The following TEX2 variants were observed in gnomAD, a reference collection of about 807,000 sequenced individuals.
The protein encoded by TEX2 is testis expressed 2, also known as testis-expressed protein 2.
Under a neutral mutation model 106.9 loss-of-function variants are expected in TEX2, and 53 were observed. The ratio of observed to expected loss-of-function variants is 0.50; its 90% CI spans 0.40 to 0.62. The LOEUF (loss-of-function observed/expected upper bound fraction) is 0.62. TEX2 is among the 20% of genes least tolerant of loss of function. The pLI is 0.00. For synonymous variants in TEX2, 523 were observed against 534.8 expected, an observed-to-expected ratio of 0.98 and a Z score of 0.30; for missense variants, 1,207 against 1,379.0, an observed-to-expected ratio of 0.88 and a Z score of 1.98.
At chr17:64,193,463 G>GCTTCCTTCCTTCCTTCCTTC in intron 4 of TEX2, 96 bp downstream of exon 4, 1 of 993,984 alleles carries the variant, frequency 1.0e-6, no homozygotes, top group Non-Finnish European at 1.4e-6. Context: ...TTCAGGGTGG[G>GCTTCCTTCCTTCCTTCCTTC]CTTCCTTCCT....
intron 8 of TEX2, chr17:64,155,587 C>T (rs779377212): frequency 6.6e-6 from 1 of 152,236 alleles, no homozygotes; most frequent in Non-Finnish European, 1.5e-5. Flanking sequence ...CACACACACA[C>T]ACAAAAAGTC....
intron 1 of TEX2, among the ~76,000 whole-genome samples, chr17:64,245,540 G>A (rs1432610962): frequency 6.6e-6 from 1 of 152,134 alleles, no homozygotes; most frequent in Non-Finnish European, 1.5e-5. Flanking sequence ...ATACAAAATC[G>A]AGGATTGAAC....
Position 64,212,564 on chromosome 17 carries a change from A to T in TEX2, c.1644+10T>A. On this transcript the variant is annotated intron_variant, in intron 2 of 11. Coordinates refer to ENST00000584379, the MANE Select transcript of TEX2 (RefSeq NM_001288732.2). ...TGTGTGTACTAGCCAGCTCCCGGGG[A>T]GAGGCTTACCTTCAGTATTTCAGGT... The T allele has an allele frequency of 6.2e-7, 1 of 1,607,486 alleles. No individual in the cohort carries two copies. The highest frequency in any genetic ancestry group is 8.5e-7 in the Non-Finnish European group (1 of 1,175,886).
chr17:64,152,056 C>T (rs1393800076), intron 10 of TEX2, among the ~76,000 whole-genome samples: 1 of 152,172 alleles, frequency 6.6e-6, no homozygotes, highest in East Asian at 1.9e-4. Flanking sequence ...CAAAACCCCT[C>T]TTCTGATCAT....
chr17:64,212,414 ATGAGTTGAC>A (rs1340982209), intron 2 of TEX2, among the ~76,000 whole-genome samples, 151 bp downstream of exon 2: 2 of 152,204 alleles, frequency 1.3e-5, no homozygotes, highest in African/African-American at 4.8e-5. Flanking sequence ...GGTTTACCAG[ATGAGTTGAC>A]TGGGTGCCTG....
Position 64,241,153 on chromosome 17 carries a change from A to G in TEX2, c.-26+22015T>C, listed in dbSNP as rs535978065. 1.1e-4 allele frequency among the ~76,000 whole-genome samples: 17 copies of G among 152,300 alleles called. No individual in the cohort carries two copies. In the East Asian group the frequency reaches 2.9e-3, roughly 26 times the overall value. ...CAGGGAAAGCATTTGGGGTTGTCAGAGCTCATGGAGTGACTGCTGAGGGGT... is the reference window on the plus strand; with the variant it reads ...CAGGGAAAGCATTTGGGGTTGTCAGGGCTCATGGAGTGACTGCTGAGGGGT... On this transcript the variant is annotated intron_variant, in intron 1 of 11. Coordinates refer to ENST00000584379, the MANE Select transcript of TEX2 (RefSeq NM_001288732.2).
At position 64,262,558 on chromosome 17, in the gene TEX2, C is replaced by A. The variant is rs1415362095; in HGVS notation, c.-26+610G>T. 2.6e-5 allele frequency among the ~76,000 whole-genome samples: 4 copies of A among 152,302 alleles called. No individual in the cohort carries two copies. The South Asian group carries it at 6.2e-4, about 24-fold the overall frequency. ...GCAGCGACGGCGTCCACGGCCACAC[C>A]GCCTCCCCGCAAGGCACCTGGCGCT... On this transcript the variant is annotated intron_variant, in intron 1 of 11. Transcript: ENST00000584379.
chr17:64,202,949 G>A (rs1486912156), intron 2 of TEX2, among the ~76,000 whole-genome samples: 1 of 152,126 alleles, frequency 6.6e-6, no homozygotes, highest in East Asian at 1.9e-4. Flanking sequence ...AAAGGTCAGG[G>A]GTTTCTCTCA....
At chr17:64,168,953 G>C (rs552488181) in intron 7 of TEX2, among the ~76,000 whole-genome samples, 2 of 145,736 alleles carry the variant, frequency 1.4e-5, no homozygotes, top group East Asian at 4.0e-4. Context: ...CCAGGCCTCA[G>C]ACTCCCGAGT....
At chr17:64,169,690 C>T (rs571010045) in intron 7 of TEX2, among the ~76,000 whole-genome samples, 1 of 152,322 alleles carries the variant, frequency 6.6e-6, no homozygotes, top group South Asian at 2.1e-4. Context: ...CAAATGTACA[C>T]AACAGCAGAA....
At chr17:64,215,695 C>T (rs1025257294) in intron 1 of TEX2, among the ~76,000 whole-genome samples, 8 of 152,172 alleles carry the variant, frequency 5.3e-5, no homozygotes, top group African/African-American at 1.9e-4. Flanking sequence ...AAATTTAAAA[C>T]GCTACACGTT....
chr17:64,148,634 C>G lies in TEX2; in HGVS notation c.*335G>C, dbSNP rs976875831. ...GGAGGAGTAGAGGAGGCAAGTTGTT[C>G]AGCTTTGCTCTTACTGTGCTCATTT... On this transcript the variant is annotated 3_prime_UTR_variant, in exon 12 of 12. Coordinates refer to ENST00000584379, the MANE Select transcript of TEX2 (RefSeq NM_001288732.2). The G allele has an allele frequency of 4.4e-6, 1 of 226,294 alleles. No individual in the cohort carries two copies. The highest frequency in any genetic ancestry group is 5.5e-5 in the Admixed American group (1 of 18,248). 14.0% of individuals were successfully genotyped at this position (226,294 alleles called of 1,614,324 possible).
chr17:64,159,173 T>C (rs1429078300), intron 8 of TEX2, among the ~76,000 whole-genome samples: 2 of 152,174 alleles, frequency 1.3e-5, no homozygotes, highest in Non-Finnish European at 2.9e-5. Flanking sequence ...ACCGGCCTGG[T>C]TGCCACCCCC....
At chr17:64,232,021 G>C (rs1490155880) in intron 1 of TEX2, among the ~76,000 whole-genome samples, 1 of 152,204 alleles carries the variant, frequency 6.6e-6, no homozygotes. Context: ...GCACTGGACT[G>C]TCCTGACTGT....
chr17:64,198,472 T>G (rs1451806927), intron 2 of TEX2, among the ~76,000 whole-genome samples: 1 of 151,982 alleles, frequency 6.6e-6, no homozygotes, highest in East Asian at 1.9e-4. Flanking sequence ...TTGGAGCTGA[T>G]GAGAACTCTA....
chr17:64,182,096 G>A (rs2031893539), intron 5 of TEX2, among the ~76,000 whole-genome samples: 1 of 152,144 alleles, frequency 6.6e-6, no homozygotes, highest in African/African-American at 2.4e-5. Context: ...ACCGATGGAG[G>A]AATGGATAAG....
chr17:64,176,413 C>T (rs922624674), intron 6 of TEX2, among the ~76,000 whole-genome samples: 12 of 152,100 alleles, frequency 7.9e-5, no homozygotes, highest in Admixed American at 1.3e-4. Flanking sequence ...TTTGTGTCAA[C>T]GTGTTTTTCT....
At chr17:64,174,057 G>C (rs1451720753) in intron 6 of TEX2, among the ~76,000 whole-genome samples, 1 of 151,780 alleles carries the variant, frequency 6.6e-6, no homozygotes, top group Non-Finnish European at 1.5e-5. Flanking sequence ...ATGTTGCCTA[G>C]TCTGGTCTCA....
chr17:64,242,259 A>T (rs1360875216), intron 1 of TEX2: 1 of 152,208 alleles, frequency 6.6e-6, no homozygotes, highest in East Asian at 1.9e-4. Context: ...AGTGAAATCT[A>T]CCTTAAAACT....
Sources: allele counts gnomAD v4.1 joint callset (sites outside exome capture counted in the v4.1 genomes callset), GRCh38; gene constraint gnomAD v4.1.1; transcripts MANE v1.5; gene names NCBI Gene and HGNC (gene_info 2026-07-23, HGNC 2026-07-21).